YAF2: variants seen among roughly 807,000 people sequenced by gnomAD.
YAF2 encodes YY1 associated factor 2.
In YAF2, 7 loss-of-function variants were observed where a neutral mutation model predicts 20.1. The observed-to-expected ratio is 0.35, with a 90% CI of 0.20 to 0.65. The LOEUF is 0.65. YAF2 is among the 30% of genes least tolerant of loss of function. YAF2 has a pLI of 0.69. For synonymous variants in YAF2, 74 were observed against 76.0 expected (o/e 0.97, Z 0.14); for missense variants, 151 against 219.2 (o/e 0.69, Z 1.96).
intron 2 of YAF2, chr12:42,234,777 C>T: frequency 1.1e-6 from 1 of 934,208 alleles, no homozygotes; most frequent in Non-Finnish European, 1.3e-6. Context: ...CACTTGAGCT[C>T]AAGAGTTTGA....
At chr12:42,162,321 C>T (rs184278541) in intron 2 of YAF2, among the ~76,000 whole-genome samples, 1 of 152,186 alleles carries the variant, frequency 6.6e-6, no homozygotes, top group Admixed American at 6.5e-5. Flanking sequence ...TGGAGATCTG[C>T]CCAGTCTTTT....
chr12:42,210,427 G>C, intron 2 of YAF2: 1 of 1,534,014 alleles, frequency 6.5e-7, no homozygotes, highest in Non-Finnish European at 8.7e-7. Flanking sequence ...TTCAGCATGA[G>C]AATCTTCCTG....
intron 2 of YAF2, chr12:42,233,462 C>T (rs1398257854): frequency 3.1e-6 from 3 of 982,524 alleles, no homozygotes; most frequent in Non-Finnish European, 3.6e-6. Flanking sequence ...TTGATTATCA[C>T]CCTCATACAG....
intron 2 of YAF2, among the ~76,000 whole-genome samples, chr12:42,195,730 G>A (rs563904143): frequency 6.6e-6 from 1 of 152,346 alleles, no homozygotes; most frequent in South Asian, 2.1e-4. Context: ...GTAGAGAATA[G>A]ACCATCGAAC....
intron 2 of YAF2, among the ~76,000 whole-genome samples, chr12:42,204,817 C>T (rs1443226537): frequency 2.0e-5 from 3 of 152,176 alleles, no homozygotes; most frequent in Non-Finnish European, 4.4e-5. Flanking sequence ...AAATCAATCC[C>T]TCCCAAAACA....
intron 2 of YAF2, among the ~76,000 whole-genome samples, chr12:42,189,016 A>T (rs913463195): frequency 5.9e-5 from 9 of 152,180 alleles, no homozygotes; most frequent in African/African-American, 2.2e-4. Context: ...AACTGGGAGA[A>T]TCAGAGTGGA....
chr12:42,237,704 G>C lies in YAF2; in HGVS notation c.47C>G (p.Pro16Arg), dbSNP rs983179894. The C allele has an allele frequency of 6.4e-7, 1 of 1,566,214 alleles. No individual in the cohort carries two copies. Among genetic ancestry groups the C allele is most frequent in the South Asian group, 1.2e-5 (1 of 85,896 alleles). ...SPTRPKRQPK[P>R]SSDEGYWDCS... ...GTCCCAGTAACCCTCATCCGAGGACGGCTTCGGCTGCCGCTTCGGCCTGCA... is the reference window on the plus strand; with the variant it reads ...GTCCCAGTAACCCTCATCCGAGGACCGCTTCGGCTGCCGCTTCGGCCTGCA... Residue 16 changes from proline (P) to arginine (R), a missense_variant, in exon 2 of 4, where the codon CCG becomes CGG. Transcript: ENST00000534854.
intron 2 of YAF2, among the ~76,000 whole-genome samples, chr12:42,180,543 G>C (rs1461278381): frequency 6.6e-6 from 1 of 152,222 alleles, no homozygotes; most frequent in Non-Finnish European, 1.5e-5. Flanking sequence ...GCTGTACCTA[G>C]ATTCCTTATC....
intron 2 of YAF2, among the ~76,000 whole-genome samples, chr12:42,213,267 C>T (rs893759160): frequency 1.3e-5 from 2 of 152,230 alleles, no homozygotes; most frequent in Non-Finnish European, 1.5e-5. Flanking sequence ...TGTGAGTTAA[C>T]TTGGAAGCAG....
intron 2 of YAF2, among the ~76,000 whole-genome samples, chr12:42,207,764 G>A (rs1473799462): frequency 4.8e-5 from 7 of 144,894 alleles, no homozygotes; most frequent in Non-Finnish European, 7.6e-5. Context: ...CGTGGCGGGC[G>A]CCTGTAGTCC....
At chr12:42,234,148 G>C (rs868761019) in intron 2 of YAF2, 1 of 941,628 alleles carries the variant, frequency 1.1e-6, no homozygotes, top group Non-Finnish European at 1.3e-6. Context: ...TCCAGCCTGG[G>C]CGACAGAGCA....
intron 2 of YAF2, among the ~76,000 whole-genome samples, chr12:42,178,726 A>AATAC (rs1167578329): frequency 6.6e-6 from 1 of 152,160 alleles, no homozygotes; most frequent in African/African-American, 2.4e-5. Context: ...CTGGATACTG[A>AATAC]ATACATGCTA....
intron 2 of YAF2, among the ~76,000 whole-genome samples, chr12:42,207,516 A>G (rs1236268162): frequency 1.3e-5 from 2 of 152,180 alleles, no homozygotes; most frequent in African/African-American, 4.8e-5. Flanking sequence ...ACCAGCTTTT[A>G]AAGGGAAAAA....
intron 2 of YAF2, among the ~76,000 whole-genome samples, chr12:42,174,313 A>C (rs1206326489): frequency 6.6e-6 from 1 of 152,102 alleles, no homozygotes; most frequent in African/African-American, 2.4e-5. Context: ...CCAACAGTCA[A>C]CTGTAGTCAT....
chr12:42,229,358 C>G (rs2067903558), intron 2 of YAF2, among the ~76,000 whole-genome samples: 1 of 139,602 alleles, frequency 7.2e-6, no homozygotes, highest in Non-Finnish European at 1.5e-5. Context: ...CACTATTGTC[C>G]CATGACCCTG....
chr12:42,168,332 C>A (rs778454360), intron 2 of YAF2, among the ~76,000 whole-genome samples: 40 of 152,096 alleles, frequency 2.6e-4, no homozygotes, highest in Admixed American at 1.3e-3. Context: ...GTGTGCACCA[C>A]CATGCCCAGC....
chr12:42,210,559 TG>T (rs1195712890), intron 2 of YAF2: 1 of 1,536,060 alleles, frequency 6.5e-7, no homozygotes, highest in South Asian at 1.2e-5. Flanking sequence ...TTCCTGAAAT[TG>T]GAAATTTCAA....
intron 2 of YAF2, among the ~76,000 whole-genome samples, chr12:42,163,960 A>C (rs2065854944): frequency 6.6e-6 from 1 of 152,256 alleles, no homozygotes; most frequent in South Asian, 2.1e-4. Flanking sequence ...GAGGTAGGAA[A>C]TAGTTAACTC....
At chr12:42,199,492 C>A in intron 2 of YAF2, 1 of 199,550 alleles carries the variant, frequency 5.0e-6, no homozygotes, top group South Asian at 7.5e-5. Context: ...AATTTACCAC[C>A]AAAAAATCCA....
Sources: gnomAD v4.1 joint callset for allele counts (sites outside exome capture counted in the v4.1 genomes callset) on GRCh38, gnomAD v4.1.1 for gene constraint, MANE v1.5 for transcripts, NCBI Gene and HGNC (gene_info 2026-07-23, HGNC 2026-07-21) for gene names.